SPICE1: variants seen among roughly 807,000 people sequenced by gnomAD.
SPICE1 encodes the protein spindle and centriole-associated protein 1.
A neutral mutation model predicts 102.7 loss-of-function variants in SPICE1; 75 were observed. The observed-to-expected ratio is 0.73, with a 90% CI of 0.61 to 0.88. SPICE1 has a LOEUF of 0.88. Ranked by LOEUF, SPICE1 falls within the 40% of genes least tolerant of loss-of-function variation. SPICE1 has a pLI of 0.00. For missense variants in SPICE1, 979 were observed against 1,020.1 expected (o/e 0.96, Z 0.55); for synonymous variants, 308 against 350.3 (o/e 0.88, Z 1.35).
At chr3:113,498,580 C>G (rs1559974899) in intron 4 of SPICE1, among the ~76,000 whole-genome samples, 1 of 152,226 alleles carries the variant, frequency 6.6e-6, no homozygotes, top group Non-Finnish European at 1.5e-5. Flanking sequence ...GTTCTTTTCT[C>G]AAGCTCATGT....
At chr3:113,486,456 C>A in intron 7 of SPICE1, among the ~76,000 whole-genome samples, 1 of 148,284 alleles carries the variant, frequency 6.7e-6, no homozygotes. Flanking sequence ...GGTAGCCAGA[C>A]TAATAAAGAA....
chr3:113,470,250 T>A (rs1363444032), intron 7 of SPICE1, among the ~76,000 whole-genome samples: 1 of 152,148 alleles, frequency 6.6e-6, no homozygotes, highest in African/African-American at 2.4e-5. Context: ...TTTTGAGAAG[T>A]TTTCAGCCTG....
intron 12 of SPICE1, among the ~76,000 whole-genome samples, chr3:113,459,007 T>C (rs1412828752): frequency 1.3e-5 from 2 of 152,040 alleles, no homozygotes; most frequent in African/African-American, 4.8e-5. Context: ...GAAAGAGAGA[T>C]CAGATTGTTA....
intron 7 of SPICE1, among the ~76,000 whole-genome samples, chr3:113,480,723 AAAAAAATGT>A (rs1936472394): frequency 6.6e-6 from 1 of 151,976 alleles, no homozygotes; most frequent in East Asian, 1.9e-4. Flanking sequence ...CATTGTTTAA[AAAAAAATGT>A]ATCTGGGTAT....
rs139037580 is a variant in SPICE1 at position 113,466,060 on chromosome 3, A to G, written c.1156-276T>C. Reference sequence around the variant, plus strand: ...AAAGAAAGTAGAGGGATATACATATACATATTATTTGAATATACACTGACC... The same window carrying G: ...AAAGAAAGTAGAGGGATATACATATGCATATTATTTGAATATACACTGACC... On this transcript the variant is annotated intron_variant, in intron 10 of 17. Transcript: ENST00000295872. 5.9e-5 allele frequency among the ~76,000 whole-genome samples: 9 copies of G among 152,352 alleles called. No homozygotes were observed. The East Asian group carries it at 1.7e-3, about 29-fold the overall frequency.
At chr3:113,454,804 T>A (rs1935743473) in intron 13 of SPICE1, among the ~76,000 whole-genome samples, 1 of 151,854 alleles carries the variant, frequency 6.6e-6, no homozygotes, top group African/African-American at 2.4e-5. Flanking sequence ...GACTGATAAG[T>A]GGAGCCTTAA....
chr3:113,448,178 C>A, intron 15 of SPICE1, 38 bp from the exon 16 acceptor site: 2 of 1,504,358 alleles, frequency 1.3e-6, no homozygotes, highest in Non-Finnish European at 1.8e-6. Context: ...CATTACCTTT[C>A]AATGAAATAA....
chr3:113,514,851 C>T, intron 1 of SPICE1, 46 bp downstream of exon 1: 1 of 1,231,736 alleles, frequency 8.1e-7, no homozygotes. Flanking sequence ...TCGAGGTGCT[C>T]TGGCGCCACG....
In SPICE1 at chr3:113,493,238, A is replaced by G. The variant is rs1936803335; in HGVS notation, c.460T>C (p.Ser154Pro). Reference sequence around the variant, plus strand: ...TCTATGACAGACTCATTAAAGATAGATTGGGTGATAGGGTCTTGATTTACC... The same window carrying G: ...TCTATGACAGACTCATTAAAGATAGGTTGGGTGATAGGGTCTTGATTTACC... ...IVVNQDPITQ[S>P]IFNESVIEPQ... Residue 154 changes from serine (S) to proline (P), a missense_variant, in exon 6 of 18, where the codon TCT becomes CCT. Physicochemically the swap from Ser to Pro is moderately conservative, Grantham distance 74. Coordinates refer to ENST00000295872, the MANE Select transcript of SPICE1 (RefSeq NM_144718.4). The G allele has an allele frequency of 6.2e-7, 1 of 1,611,452 alleles. No individual in the cohort carries two copies. The highest frequency in any genetic ancestry group is 8.5e-7 in the Non-Finnish European group (1 of 1,178,986).
intron 7 of SPICE1, among the ~76,000 whole-genome samples, chr3:113,486,156 C>CATATATATATATAT (rs61506451): frequency 0.023 from 3,189 of 141,706 alleles, 45 homozygotes; most frequent in East Asian, 0.04. Flanking sequence ...CCTAAATGAC[C>CATATATATATATAT]ATATATATAT....
At chr3:113,469,492 T>C (rs1936146553) in intron 7 of SPICE1, among the ~76,000 whole-genome samples, 1 of 146,866 alleles carries the variant, frequency 6.8e-6, no homozygotes, top group Non-Finnish European at 1.5e-5. Context: ...ATATATTCTA[T>C]ATTACATGTA....
intron 14 of SPICE1, among the ~76,000 whole-genome samples, chr3:113,452,293 GGTCC>G (rs1358843847): frequency 1.3e-5 from 2 of 152,194 alleles, no homozygotes; most frequent in African/African-American, 4.8e-5. Context: ...GAAATGCACA[GGTCC>G]TACCCTAGAC....
chr3:113,491,375 C>T (rs1207246719), intron 6 of SPICE1, among the ~76,000 whole-genome samples: 1 of 151,772 alleles, frequency 6.6e-6, no homozygotes, highest in East Asian at 1.9e-4. Context: ...AATCCCAGCA[C>T]TTTGGGAGGC....
At chr3:113,505,638 C>T (rs1252425223) in intron 2 of SPICE1, among the ~76,000 whole-genome samples, 1 of 152,154 alleles carries the variant, frequency 6.6e-6, no homozygotes, top group Non-Finnish European at 1.5e-5. Flanking sequence ...TGCAATGGCT[C>T]GCCTATAATC....
chr3:113,462,694 A>G (rs1007852166), intron 11 of SPICE1, among the ~76,000 whole-genome samples: 3 of 152,178 alleles, frequency 2.0e-5, no homozygotes, highest in African/African-American at 7.2e-5. Context: ...TTTGGACTCA[A>G]CAACTTAGTA....
chr3:113,460,679 T>C lies in SPICE1; in HGVS notation c.1373A>G (p.Asn458Ser). 6.2e-7 allele frequency: 1 copy of C among 1,614,026 alleles called. No individual in the cohort carries two copies. The highest frequency in any genetic ancestry group is 8.5e-7 in the Non-Finnish European group (1 of 1,179,968). Residue 458 changes from asparagine (N) to serine (S), a missense_variant, in exon 12 of 18, where the codon AAC becomes AGC. Transcript: ENST00000295872. ...TTCTGATGCCTGAATTTCTTGTCTG[T>C]TATTTATCACAGGACAGTTCTTAAT... is the stretch of plus-strand genomic sequence containing the variant. ...HAIKNCPVIN[N>S]RQEIQASESG...
chr3:113,468,762 CT>C lies in SPICE1; in HGVS notation c.888del (p.Val297Ter). On this transcript the variant is annotated frameshift_variant and splice_region_variant, in exon 9 of 18. Coordinates refer to ENST00000295872, the MANE Select transcript of SPICE1 (RefSeq NM_144718.4). LOFTEE classifies it high-confidence loss of function. ...NSRKQKQLLN[K>X]VKRKPNLHAL... is the part of the protein sequence containing the mutation. ...ATCTTTGTAAATTAAGGGACTGAAC[CT>C]TTATTTAACAGCTGTTTTTGCTTCC... 6.2e-7 allele frequency: 1 copy of C among 1,611,548 alleles called. No homozygotes were observed. The highest frequency in any genetic ancestry group is 8.5e-7 in the Non-Finnish European group (1 of 1,179,362).
chr3:113,454,211 T>C (rs1559957674), intron 13 of SPICE1, among the ~76,000 whole-genome samples: 1 of 152,164 alleles, frequency 6.6e-6, no homozygotes, highest in Non-Finnish European at 1.5e-5. Flanking sequence ...TTTTAACGCA[T>C]ATATTAACTC....
intron 1 of SPICE1, among the ~76,000 whole-genome samples, chr3:113,512,903 A>C (rs1385621738): frequency 6.6e-6 from 1 of 152,222 alleles, no homozygotes; most frequent in Non-Finnish European, 1.5e-5. Flanking sequence ...TAGAGATACA[A>C]GTAAACAAGT....
Sources: allele counts gnomAD v4.1 joint callset (sites outside exome capture counted in the v4.1 genomes callset), GRCh38; gene constraint gnomAD v4.1.1; transcripts MANE v1.5; gene names NCBI Gene and HGNC (gene_info 2026-07-23, HGNC 2026-07-21).